PHACTR4: variants seen among roughly 807,000 people sequenced by gnomAD.
The protein encoded by PHACTR4 is phosphatase and actin regulator 4.
Under a neutral mutation model 72.7 loss-of-function variants are expected in PHACTR4, and 51 were observed. The observed-to-expected ratio is 0.70, with a 90% CI of 0.56 to 0.89. PHACTR4 has a LOEUF of 0.89. Ranked by LOEUF, PHACTR4 falls within the 40% of genes least tolerant of loss-of-function variation. The pLI is 0.00. For synonymous variants in PHACTR4, 255 were observed against 302.5 expected (o/e 0.84, Z 1.63); for missense variants, 731 against 861.8 (o/e 0.85, Z 1.90).
chr1:28,416,184 A>G (rs1196771285), intron 2 of PHACTR4, among the ~76,000 whole-genome samples: 1 of 152,178 alleles, frequency 6.6e-6, no homozygotes, highest in African/African-American at 2.4e-5. Flanking sequence ...TTCCTCCAGT[A>G]TTACATGATG....
At chr1:28,413,885 T>G (rs1165697889) in intron 2 of PHACTR4, among the ~76,000 whole-genome samples, 1 of 152,162 alleles carries the variant, frequency 6.6e-6, no homozygotes, top group Non-Finnish European at 1.5e-5. Context: ...TGGGTGAGCT[T>G]CTTGGCCTTA....
intron 1 of PHACTR4, among the ~76,000 whole-genome samples, chr1:28,401,300 CTTTTTT>C (rs34281484): frequency 9.7e-6 from 1 of 103,042 alleles, no homozygotes; most frequent in Non-Finnish European, 2.0e-5. Context: ...ACCTGCTTTA[CTTTTTT>C]TTTTTTTTTT....
chr1:28,380,583 G>A (rs192053079), intron 1 of PHACTR4, among the ~76,000 whole-genome samples: 1 of 152,178 alleles, frequency 6.6e-6, no homozygotes, highest in Admixed American at 6.6e-5. Flanking sequence ...GCAATATTTG[G>A]AACATGTGAT....
At chr1:28,440,176 C>T (rs193021380) in intron 2 of PHACTR4, among the ~76,000 whole-genome samples, 4,298 of 151,062 alleles carry the variant, frequency 0.028, 93 homozygotes, top group Non-Finnish European at 0.042. Flanking sequence ...GTGGCGGGCG[C>T]CTGTAGCCCC....
rs1176964224 is a variant in PHACTR4 at position 28,369,833 on chromosome 1, C to T, written c.-39+8C>T. The stretch of plus-strand genomic sequence containing the variant: ...GCGGCGGCGGAGATCTGGGTAAGTT[C>T]AGCGAGCAAGGGAAAGTGAGCAGGA... On this transcript the variant is annotated splice_region_variant and intron_variant, in intron 1 of 13. Transcript: ENST00000373839. 7 of 451,662 alleles carry T rather than the reference C, an allele frequency of 1.5e-5. No individual in the cohort carries two copies. Among genetic ancestry groups the T allele is most frequent in the Admixed American group, 7.2e-5 (3 of 41,740 alleles). The allele number at this position is 451,662 out of a possible 1,614,324, so 28.0% of individuals were successfully genotyped here. A position where few individuals can be genotyped will look rare whatever the true frequency, so the allele number is the denominator to read the frequency against.
In PHACTR4 at chr1:28,489,302, A is replaced by G. The variant is rs1660894232; in HGVS notation, c.1816+77A>G. 3.9e-6 allele frequency: 5 copies of G among 1,283,334 alleles called. No homozygotes were observed. In the South Asian group the frequency reaches 6.6e-5, roughly 17 times the overall value. 79.5% of individuals were successfully genotyped at this position (1,283,334 alleles called of 1,614,324 possible). A position where few individuals can be genotyped will look rare whatever the true frequency, so the allele number is the denominator to read the frequency against. On this transcript the variant is annotated intron_variant, in intron 10 of 13. Transcript: ENST00000373839. ...GACTTTAATATACATAAAAGAAAAA[A>G]GAAGCGTTTGCTACAAGGGCTAAGG... is the stretch of plus-strand genomic sequence containing the variant.
At chr1:28,473,293 A>G (rs945787877) in intron 6 of PHACTR4, among the ~76,000 whole-genome samples, 7 of 151,866 alleles carry the variant, frequency 4.6e-5, no homozygotes, top group Non-Finnish European at 2.9e-5. Context: ...AAAAAAAAAA[A>G]AAAATTGTCA....
At chr1:28,371,043 A>G (rs943171933) in intron 1 of PHACTR4, among the ~76,000 whole-genome samples, 1 of 152,214 alleles carries the variant, frequency 6.6e-6, no homozygotes, top group Non-Finnish European at 1.5e-5. Flanking sequence ...ATTTGGCTAG[A>G]TAATGGTAAC....
chr1:28,404,959 G>C (rs1378622680), intron 1 of PHACTR4, among the ~76,000 whole-genome samples: 1 of 151,822 alleles, frequency 6.6e-6, no homozygotes, highest in African/African-American at 2.4e-5. Flanking sequence ...TCCCCTCCTA[G>C]TATCCATGTG....
rs184206113 is a variant in PHACTR4 at position 28,389,634 on chromosome 1, C to T, written c.-38-17776C>T. On this transcript the variant is annotated intron_variant, in intron 1 of 13. Coordinates refer to ENST00000373839, the MANE Select transcript of PHACTR4 (RefSeq NM_001048183.3). ...CTGGGACGACGGGCGCGTGCCACCA[C>T]GCCCAGCTAATTTTTGTATTTTTAG... Among the ~76,000 whole-genome samples, 764 of 152,122 alleles carry T rather than the reference C, an allele frequency of 5.0e-3. 2 individuals carry two copies. The highest frequency in any genetic ancestry group is 8.6e-3 in the Non-Finnish European group (584 of 67,984).
At chr1:28,453,235 T>A (rs1451739142) in intron 2 of PHACTR4, among the ~76,000 whole-genome samples, 1 of 152,170 alleles carries the variant, frequency 6.6e-6, no homozygotes, top group Non-Finnish European at 1.5e-5. Flanking sequence ...ATTGCCAGTA[T>A]CCACTTAAAA....
At chr1:28,466,858 T>C (rs1448323889) in intron 6 of PHACTR4, 90 bp downstream of exon 6, 1 of 1,486,480 alleles carries the variant, frequency 6.7e-7, no homozygotes. Flanking sequence ...ATTGATTTGG[T>C]CTGTGAGAAT....
chr1:28,471,297 C>G (rs570013874), intron 6 of PHACTR4, among the ~76,000 whole-genome samples: 31 of 151,458 alleles, frequency 2.0e-4, no homozygotes, highest in Non-Finnish European at 4.1e-4. Flanking sequence ...TGCAGTTAGC[C>G]GAGATGGCGC....
chr1:28,388,944 A>G (rs376311532), intron 1 of PHACTR4, among the ~76,000 whole-genome samples: 18 of 152,288 alleles, frequency 1.2e-4, no homozygotes, highest in South Asian at 2.1e-4. Flanking sequence ...AAGCTTCATG[A>G]CTTGGTCTGG....
intron 2 of PHACTR4, among the ~76,000 whole-genome samples, chr1:28,426,701 ACT>A (rs984059643): frequency 1.3e-5 from 2 of 148,780 alleles, no homozygotes; most frequent in Non-Finnish European, 3.0e-5. Flanking sequence ...TCTTTGAGAT[ACT>A]CTGTTATTAC....
intron 13 of PHACTR4, among the ~76,000 whole-genome samples, chr1:28,494,938 C>CAGGA (rs1661256334): frequency 6.6e-6 from 1 of 152,130 alleles, no homozygotes; most frequent in Admixed American, 6.6e-5. Flanking sequence ...GCAAGGAAAA[C>CAGGA]AGGAAGTATC....
chr1:28,448,256 C>T (rs1657616842), intron 2 of PHACTR4, among the ~76,000 whole-genome samples: 1 of 152,036 alleles, frequency 6.6e-6, no homozygotes, highest in African/African-American at 2.4e-5. Flanking sequence ...TGGCTCATGC[C>T]TGTAATCCTA....
At chr1:28,378,131 G>A (rs569776431) in intron 1 of PHACTR4, among the ~76,000 whole-genome samples, 68 of 149,226 alleles carry the variant, frequency 4.6e-4, no homozygotes, top group African/African-American at 1.5e-3. Flanking sequence ...TGGGAGGCAC[G>A]GCTTGCAGTG....
At chr1:28,459,428 A>G (rs1570022985) in intron 3 of PHACTR4, among the ~76,000 whole-genome samples, 170 bp downstream of exon 3, 1 of 119,370 alleles carries the variant, frequency 8.4e-6, no homozygotes, top group African/African-American at 3.3e-5. Context: ...GTGAGACAGG[A>G]TCTCCCTCTG....
Sources: allele counts gnomAD v4.1 joint callset (sites outside exome capture counted in the v4.1 genomes callset), GRCh38; gene constraint gnomAD v4.1.1; transcripts MANE v1.5; gene names NCBI Gene and HGNC (gene_info 2026-07-23, HGNC 2026-07-21).